The following RFC3 variants were observed in gnomAD, a reference collection of about 807,000 sequenced individuals.
The protein encoded by RFC3 is A1 38 kDa subunit.
A neutral mutation model predicts 45.1 loss-of-function variants in RFC3; 41 were observed. The observed-to-expected ratio is 0.91, with a 90% CI of 0.71 to 1.18. RFC3 has a LOEUF of 1.18. Ranked by LOEUF, RFC3 falls within the 50% of genes most tolerant of loss-of-function variation. The pLI, the probability that RFC3 is intolerant of heterozygous loss-of-function variation, is 0.00. For missense variants in RFC3, 423 were observed against 428.1 expected (o/e 0.99, Z 0.10); for synonymous variants, 149 against 144.0 (o/e 1.03, Z -0.25).
intron 8 of RFC3, among the ~76,000 whole-genome samples, chr13:33,882,806 A>G (rs1399955295): frequency 6.6e-6 from 1 of 152,184 alleles, no homozygotes; most frequent in Non-Finnish European, 1.5e-5. Context: ...TTGAATGACC[A>G]CTAATCTCTC....
chr13:33,843,441 G>T (rs2082214745), intron 8 of RFC3, among the ~76,000 whole-genome samples: 4 of 152,132 alleles, frequency 2.6e-5, no homozygotes, highest in African/African-American at 4.8e-5. Context: ...TTTTGCAGTT[G>T]TTTAATTAGC....
rs141584127 is a variant in RFC3 at position 33,949,390 on chromosome 13, G to A, written c.880-16697G>A. ...CAGTCTCAGGCAGTTCTTTATAGCA[G>A]CCTAAGAACAGACTAATACACGTTT... On this transcript the variant is annotated intron_variant, in intron 8 of 8. Transcript: ENST00000434425. Among the ~76,000 whole-genome samples the A allele has an allele frequency of 2.8e-4, 42 of 152,252 alleles. No homozygotes were observed. The Middle Eastern group carries it at 0.01, about 37-fold the overall frequency.
intron 8 of RFC3, among the ~76,000 whole-genome samples, chr13:33,854,897 A>G (rs905422755): frequency 2.0e-5 from 3 of 152,226 alleles, no homozygotes; most frequent in Non-Finnish European, 2.9e-5. Flanking sequence ...GCCATAGTTT[A>G]GATATACCCC....
chr13:33,926,709 T>G (rs971519529), intron 8 of RFC3, among the ~76,000 whole-genome samples: 4 of 151,590 alleles, frequency 2.6e-5, no homozygotes, highest in East Asian at 3.9e-4. Flanking sequence ...ATGAAAGAAA[T>G]AAAGTTACTT....
At chr13:33,956,376 C>T (rs1338940334) in intron 8 of RFC3, among the ~76,000 whole-genome samples, 5 of 152,086 alleles carry the variant, frequency 3.3e-5, no homozygotes, top group Non-Finnish European at 7.4e-5. Flanking sequence ...TCTGGGCCCA[C>T]GTTGGTATAA....
chr13:33,902,469 G>T (rs749424681), intron 8 of RFC3, among the ~76,000 whole-genome samples: 5 of 152,012 alleles, frequency 3.3e-5, no homozygotes, highest in Non-Finnish European at 1.5e-5. Context: ...ATGGAAATCA[G>T]TGGTAAAAAA....
chr13:33,926,639 T>C (rs1173158221), intron 8 of RFC3, among the ~76,000 whole-genome samples: 1 of 152,030 alleles, frequency 6.6e-6, no homozygotes, highest in African/African-American at 2.4e-5. Context: ...ATGTTAATGG[T>C]TTATATGGGT....
At chr13:33,851,003 T>G (rs1891803824) in intron 8 of RFC3, among the ~76,000 whole-genome samples, 1 of 152,188 alleles carries the variant, frequency 6.6e-6, no homozygotes, top group African/African-American at 2.4e-5. Context: ...TTAAATTTAC[T>G]AATTGCCTGA....
intron 8 of RFC3, among the ~76,000 whole-genome samples, chr13:33,898,595 T>A (rs1189959709): frequency 6.6e-6 from 1 of 151,784 alleles, no homozygotes; most frequent in African/African-American, 2.4e-5. Context: ...TGTACCTCAA[T>A]GTACTAGGGA....
rs75184029 is a variant in RFC3 at position 33,894,237 on chromosome 13, G to A, written c.879+59020G>A. ...ATATAGACCTCCACTGGGTAGCCTG[G>A]CAATCCAGGATATGGGGGAGGGCCA... On this transcript the variant is annotated intron_variant, in intron 8 of 8. Coordinates refer to the RFC3 transcript ENST00000434425. Among the ~76,000 whole-genome samples the A allele has an allele frequency of 6.5e-3, 983 of 152,256 alleles. 12 individuals are homozygous for A. Among genetic ancestry groups the A allele is most frequent in the African/African-American group, 0.022 (926 of 41,558 alleles).
chr13:33,888,387 CTCCTAGTTAACCACAGTT>C (rs1484446204), intron 8 of RFC3, among the ~76,000 whole-genome samples: 1 of 152,068 alleles, frequency 6.6e-6, no homozygotes, highest in Non-Finnish European at 1.5e-5. Context: ...AGAGTAGTCA[CTCCTAGTTAACCACAGTT>C]TCCTGTAATT....
rs1479979780 is a variant in RFC3, at chr13:33,910,191, G to A, written c.880-55896G>A. 2.6e-5 allele frequency among the ~76,000 whole-genome samples: 4 copies of A among 152,044 alleles called. No individual in the cohort carries two copies. In the East Asian group the frequency reaches 5.8e-4, roughly 22 times the overall value. On this transcript the variant is annotated intron_variant, in intron 8 of 8. Transcript: ENST00000434425. ...TTACTTAGCTCCTACTCGGTTCTGGGCATGTATTAGTAAATAAGACAGATT... is the reference window on the plus strand; with the variant it reads ...TTACTTAGCTCCTACTCGGTTCTGGACATGTATTAGTAAATAAGACAGATT...
chr13:33,818,881 GTT>G (rs72236854), intron 1 of RFC3, among the ~76,000 whole-genome samples: 23,842 of 112,300 alleles, frequency 0.21, 3,031 homozygotes, highest in African/African-American at 0.41. Flanking sequence ...CCTGAGATTA[GTT>G]TTTTTTTTTT....
intron 8 of RFC3, among the ~76,000 whole-genome samples, chr13:33,910,655 T>TA (rs1455440344): frequency 6.6e-6 from 1 of 152,022 alleles, no homozygotes; most frequent in East Asian, 1.9e-4. Context: ...GAACAGCACT[T>TA]AAAAACGCAA....
intron 8 of RFC3, among the ~76,000 whole-genome samples, chr13:33,869,405 T>A (rs1566009469): frequency 1.4e-5 from 2 of 145,410 alleles, no homozygotes; most frequent in African/African-American, 5.1e-5. Flanking sequence ...TTTTTTTTTT[T>A]AGGGGTAGGG....
intron 8 of RFC3, among the ~76,000 whole-genome samples, chr13:33,919,052 G>GAC (rs761597328): frequency 6.6e-6 from 1 of 151,192 alleles, no homozygotes; most frequent in African/African-American, 2.4e-5. Context: ...TTATTCTATA[G>GAC]AGTAATTGAT....
chr13:33,823,094 CTA>C (rs2082017833), intron 2 of RFC3, among the ~76,000 whole-genome samples: 1 of 152,174 alleles, frequency 6.6e-6, no homozygotes, highest in South Asian at 2.1e-4. Context: ...CAGTGTGAGT[CTA>C]TTATATACTC....
intron 8 of RFC3, among the ~76,000 whole-genome samples, chr13:33,892,154 G>T (rs553711995): frequency 1.3e-5 from 2 of 152,024 alleles, no homozygotes; most frequent in African/African-American, 4.8e-5. Flanking sequence ...ATTTAGCTTT[G>T]AGAGATAGCT....
intron 8 of RFC3, among the ~76,000 whole-genome samples, chr13:33,867,171 G>A (rs2082379124): frequency 6.6e-6 from 1 of 152,188 alleles, no homozygotes; most frequent in East Asian, 1.9e-4. Context: ...ATAGAATAGT[G>A]CAGTGGACAG....
Sources: allele counts gnomAD v4.1 joint callset (sites outside exome capture counted in the v4.1 genomes callset), GRCh38; gene constraint gnomAD v4.1.1; transcripts MANE v1.5; gene names NCBI Gene and HGNC (gene_info 2026-07-23, HGNC 2026-07-21).